The following ENPP6 variants were observed in gnomAD, a reference collection of about 807,000 sequenced individuals.
The protein encoded by ENPP6 is ectonucleotide pyrophosphatase/phosphodiesterase 6, also known as glycerophosphocholine cholinephosphodiesterase ENPP6.
In ENPP6, 32 loss-of-function variants were observed where a neutral mutation model predicts 42.0. That is an observed-to-expected ratio of 0.76 (90% confidence interval 0.58 to 1.02). ENPP6 has a LOEUF of 1.02. ENPP6 is among the 50% of genes least tolerant of loss of function. ENPP6 has a pLI of 0.00. For synonymous variants in ENPP6, 213 were observed against 216.0 expected, an observed-to-expected ratio of 0.99 and a Z score of 0.12; for missense variants, 552 against 566.8, an observed-to-expected ratio of 0.97 and a Z score of 0.27.
chr4:184,210,702 C>T (rs1482855332), intron 1 of ENPP6, among the ~76,000 whole-genome samples: 1 of 145,050 alleles, frequency 6.9e-6, no homozygotes, highest in African/African-American at 2.6e-5. Context: ...AACAAGGATA[C>T]CCAGGAATTG....
intron 1 of ENPP6, among the ~76,000 whole-genome samples, chr4:184,208,044 T>A (rs1365809177): frequency 8.5e-6 from 1 of 117,210 alleles, no homozygotes; most frequent in African/African-American, 3.0e-5. Flanking sequence ...TATCTCCAAA[T>A]GTGGTTACAT....
intron 1 of ENPP6, among the ~76,000 whole-genome samples, chr4:184,178,424 T>C (rs1230087098): frequency 6.6e-6 from 1 of 152,114 alleles, no homozygotes; most frequent in Non-Finnish European, 1.5e-5. Flanking sequence ...ACAAAGAGAA[T>C]GGAACCAAGC....
intron 1 of ENPP6, among the ~76,000 whole-genome samples, chr4:184,193,875 A>T (rs1430445288): frequency 1.3e-5 from 2 of 152,194 alleles, no homozygotes; most frequent in East Asian, 1.9e-4. Context: ...CCCCTAACCT[A>T]AGGGTGTTTT....
At chr4:184,203,005 A>T (rs1488077969) in intron 1 of ENPP6, among the ~76,000 whole-genome samples, 3 of 152,174 alleles carry the variant, frequency 2.0e-5, no homozygotes, top group African/African-American at 7.2e-5. Flanking sequence ...GCACTTTGGG[A>T]GGCCAAAGCA....
At chr4:184,175,729 T>C (rs1737549818) in intron 1 of ENPP6, among the ~76,000 whole-genome samples, 1 of 152,170 alleles carries the variant, frequency 6.6e-6, no homozygotes, top group Non-Finnish European at 1.5e-5. Flanking sequence ...AAGCGTGTTC[T>C]TTATTCTACC....
At chr4:184,198,310 C>T (rs905724444) in intron 1 of ENPP6, among the ~76,000 whole-genome samples, 3 of 152,236 alleles carry the variant, frequency 2.0e-5, no homozygotes, top group East Asian at 1.9e-4. Flanking sequence ...AACGTGGAGA[C>T]GGTCCACACT....
intron 1 of ENPP6, among the ~76,000 whole-genome samples, chr4:184,164,209 G>A (rs1450484899): frequency 6.6e-6 from 1 of 152,214 alleles, no homozygotes; most frequent in African/African-American, 2.4e-5. Context: ...TGGGATTCAT[G>A]ATACTCTCCG....
At chr4:184,137,009 C>T (rs1008930150) in intron 2 of ENPP6, among the ~76,000 whole-genome samples, 2 of 152,190 alleles carry the variant, frequency 1.3e-5, no homozygotes, top group Non-Finnish European at 2.9e-5. Flanking sequence ...AGCTGGATAG[C>T]TCTGTCTTTA....
chr4:184,142,101 C>A (rs2111368928), intron 2 of ENPP6, among the ~76,000 whole-genome samples: 1 of 152,348 alleles, frequency 6.6e-6, no homozygotes. Context: ...AGCTCTGGTA[C>A]TTTCCACTGT....
intron 2 of ENPP6, among the ~76,000 whole-genome samples, chr4:184,133,963 A>G (rs972195464): frequency 1.3e-5 from 2 of 151,554 alleles, no homozygotes; most frequent in South Asian, 2.1e-4. Context: ...TATAAACCCA[A>G]TTGGTTGGCA....
At chr4:184,126,159 A>G (rs2111353303) in intron 2 of ENPP6, among the ~76,000 whole-genome samples, 2 of 152,320 alleles carry the variant, frequency 1.3e-5, no homozygotes, top group Middle Eastern at 6.8e-3. Context: ...ATAATATAAA[A>G]CTATAAATGT....
In ENPP6 at chr4:184,176,183, AGTG is replaced by A. The variant is rs971195869; in HGVS notation, c.242-22453_242-22451del. ...ATATCCCAAGGTCTTGTAGTTGGTA[AGTG>A]GTAGAGCTAGGAATCCAACTTCAGA... On this transcript the variant is annotated intron_variant, in intron 1 of 7. Transcript: ENST00000296741. Among the ~76,000 whole-genome samples, 4 of 152,172 alleles carry A rather than the reference AGTG, an allele frequency of 2.6e-5. No individual in the cohort carries two copies. The East Asian group carries it at 5.8e-4, about 22-fold the overall frequency.
chr4:184,129,395 G>A (rs983462371), intron 2 of ENPP6, among the ~76,000 whole-genome samples: 1 of 151,772 alleles, frequency 6.6e-6, no homozygotes, highest in Non-Finnish European at 1.5e-5. Flanking sequence ...TCTGTTCTGT[G>A]TTTTTAAAAA....
intron 3 of ENPP6, among the ~76,000 whole-genome samples, chr4:184,119,914 CT>C (rs1736386868): frequency 6.6e-6 from 1 of 152,196 alleles, no homozygotes; most frequent in African/African-American, 2.4e-5. Flanking sequence ...CTCCCCAGCC[CT>C]GTAGAACTGC....
At chr4:184,194,846 C>T (rs62341587) in intron 1 of ENPP6, among the ~76,000 whole-genome samples, 615 of 152,228 alleles carry the variant, frequency 4.0e-3, no homozygotes, top group Non-Finnish European at 7.0e-3. Flanking sequence ...GGCACATGGG[C>T]GTTTGGTGGG....
chr4:184,175,872 A>G (rs1214528895), intron 1 of ENPP6, among the ~76,000 whole-genome samples: 2 of 152,220 alleles, frequency 1.3e-5, no homozygotes, highest in African/African-American at 4.8e-5. Context: ...TCAGATGTCC[A>G]CAAAAGTGGC....
intron 3 of ENPP6, among the ~76,000 whole-genome samples, chr4:184,122,593 G>C (rs1361930313): frequency 6.6e-6 from 1 of 152,186 alleles, no homozygotes; most frequent in African/African-American, 2.4e-5. Flanking sequence ...ACCTGCACTG[G>C]CACTGCTTAG....
At chr4:184,138,395 TTAAA>T (rs1483141123) in intron 2 of ENPP6, among the ~76,000 whole-genome samples, 1 of 152,256 alleles carries the variant, frequency 6.6e-6, no homozygotes, top group Non-Finnish European at 1.5e-5. Flanking sequence ...TAAGTTTTTC[TTAAA>T]TAATTAAAAA....
intron 1 of ENPP6, among the ~76,000 whole-genome samples, chr4:184,209,029 T>C (rs1426928251): frequency 6.9e-6 from 1 of 144,812 alleles, no homozygotes; most frequent in East Asian, 2.0e-4. Context: ...GAGGGTCCTG[T>C]CTGTTAGAAG....
Sources: allele counts gnomAD v4.1 joint callset (sites outside exome capture counted in the v4.1 genomes callset), GRCh38; gene constraint gnomAD v4.1.1; transcripts MANE v1.5; gene names NCBI Gene and HGNC (gene_info 2026-07-23, HGNC 2026-07-21).